Variants in SULF1 observed in about 807,000 individuals in gnomAD.
SULF1 encodes the protein sulfatase 1, also known as extracellular sulfatase Sulf-1.
SULF1 carries 46 observed loss-of-function variants against 110.5 expected under a neutral mutation model. That is an observed-to-expected ratio of 0.42 (90% CI 0.33 to 0.53). The LOEUF is 0.53. Among genes scored for constraint, SULF1 ranks in the 20% least tolerant of loss-of-function variants. SULF1 has a pLI of 0.12. For missense variants in SULF1, 941 were observed against 1,094.2 expected (o/e 0.86, Z 1.98); for synonymous variants, 371 against 387.1 (o/e 0.96, Z 0.49).
chr8:69,585,193 A>C (rs180681069), intron 6 of SULF1, among the ~76,000 whole-genome samples: 182 of 152,296 alleles, frequency 1.2e-3, no homozygotes, highest in Non-Finnish European at 2.1e-3. Context: ...ACACGCACAC[A>C]TGCTTATACC....
chr8:69,630,952 A>G (rs1791565551), intron 19 of SULF1, among the ~76,000 whole-genome samples: 2 of 151,770 alleles, frequency 1.3e-5, no homozygotes, highest in Admixed American at 1.3e-4. Flanking sequence ...ATATCTCCTA[A>G]TGCTATCCCT....
intron 7 of SULF1, among the ~76,000 whole-genome samples, chr8:69,587,351 G>C (rs1170315278): frequency 1.3e-5 from 2 of 152,118 alleles, no homozygotes; most frequent in Non-Finnish European, 2.9e-5. Context: ...TCACTTGGTA[G>C]AAATCGGAAG....
chr8:69,529,242 A>T (rs564715899), intron 3 of SULF1, among the ~76,000 whole-genome samples: 292 of 152,230 alleles, frequency 1.9e-3, no homozygotes, highest in African/African-American at 6.9e-3. Flanking sequence ...GATATATGAA[A>T]GGGAAAAGAG....
intron 22 of SULF1, among the ~76,000 whole-genome samples, chr8:69,646,422 C>T (rs1811913926): frequency 1.2e-5 from 1 of 80,992 alleles, no homozygotes; most frequent in Non-Finnish European, 2.2e-5. Context: ...CTATTATTAT[C>T]CTCATTTTTT....
At chr8:69,556,917 C>G (rs1310147321) in intron 3 of SULF1, among the ~76,000 whole-genome samples, 3 of 152,146 alleles carry the variant, frequency 2.0e-5, no homozygotes, top group Non-Finnish European at 2.9e-5. Context: ...TGTCCCTCCC[C>G]CAACCCTAAA....
intron 3 of SULF1, among the ~76,000 whole-genome samples, chr8:69,554,944 A>G (rs988101367): frequency 1.6e-5 from 2 of 128,282 alleles, no homozygotes; most frequent in Admixed American, 9.8e-5. Flanking sequence ...GCGCCACTGC[A>G]CTCCAGCCTG....
intron 5 of SULF1, among the ~76,000 whole-genome samples, chr8:69,570,360 T>C (rs1182802234): frequency 1.3e-5 from 2 of 152,228 alleles, no homozygotes; most frequent in Non-Finnish European, 2.9e-5. Context: ...TTTGATGAAA[T>C]TTTTAATGTT....
At chr8:69,531,467 A>T (rs1489528438) in intron 3 of SULF1, among the ~76,000 whole-genome samples, 2 of 152,092 alleles carry the variant, frequency 1.3e-5, no homozygotes, top group African/African-American at 4.8e-5. Flanking sequence ...CCTCCACCTC[A>T]ACTCACTAAG....
rs1806683322 is a variant in SULF1, at chr8:69,589,129, C to T, written c.722C>T (p.Ala241Val). The change falls in exon 8 of 23, where the codon GCT (alanine) becomes GTT (valine). Residue 241 changes from alanine to valine, a missense_variant. This residue lies in a region of SULF1 where 822 missense variants were observed against 934.3 expected (regional missense o/e 0.88). Coordinates refer to ENST00000402687, the MANE Select transcript of SULF1 (RefSeq NM_001128205.2). ...APQFSKLYPN[A>V]SQHITPSYNY... ...CAGTTTTCTAAACTGTACCCCAATG[C>T]TTCCCAACACATGTAAGTAACAAAC... The T allele has an allele frequency of 6.2e-7, 1 of 1,613,572 alleles. No homozygotes were observed.
intron 1 of SULF1, among the ~76,000 whole-genome samples, chr8:69,479,635 A>G (rs1211128066): frequency 6.6e-6 from 1 of 152,112 alleles, no homozygotes; most frequent in Non-Finnish European, 1.5e-5. Flanking sequence ...AGAATGTTGG[A>G]GGCGTACCTC....
chr8:69,588,878 C>A, intron 7 of SULF1, 94 bp from the exon 8 acceptor site: 1 of 1,269,840 alleles, frequency 7.9e-7, no homozygotes, highest in Non-Finnish European at 1.1e-6. Context: ...CCACTTCGTG[C>A]AGTGAATTGC....
intron 5 of SULF1, among the ~76,000 whole-genome samples, chr8:69,565,869 G>A (rs1815841174): frequency 6.6e-6 from 1 of 152,118 alleles, no homozygotes; most frequent in Non-Finnish European, 1.5e-5. Context: ...CTCCCCAAAG[G>A]TGTCTGGTGG....
chr8:69,629,478 C>G, intron 18 of SULF1, 26 bp from the exon 19 acceptor site: 1 of 1,589,854 alleles, frequency 6.3e-7, no homozygotes, highest in Non-Finnish European at 8.6e-7. Context: ...TCTGAACACT[C>G]AAAATAATCC....
chr8:69,658,394 A>G, intron 22 of SULF1, 111 bp from the exon 23 acceptor site: 2 of 751,126 alleles, frequency 2.7e-6, no homozygotes, highest in Middle Eastern at 4.1e-4. Context: ...AATGCTTTTG[A>G]GTGTCATACT....
chr8:69,624,594 T>C (rs1486366915), intron 15 of SULF1, among the ~76,000 whole-genome samples: 2 of 152,234 alleles, frequency 1.3e-5, no homozygotes, highest in African/African-American at 4.8e-5. Context: ...TCTTCCATGT[T>C]ACACAATCAC....
At chr8:69,542,859 G>A (rs1333151130) in intron 3 of SULF1, among the ~76,000 whole-genome samples, 2 of 152,086 alleles carry the variant, frequency 1.3e-5, no homozygotes, top group African/African-American at 2.4e-5. Flanking sequence ...AATGTCTCCA[G>A]GTCTATATAT....
At chr8:69,599,218 G>C (rs571305630) in intron 8 of SULF1, among the ~76,000 whole-genome samples, 1 of 152,256 alleles carries the variant, frequency 6.6e-6, no homozygotes, top group African/African-American at 2.4e-5. Context: ...TAATGGCATG[G>C]GGTCACATTC....
intron 2 of SULF1, among the ~76,000 whole-genome samples, chr8:69,498,628 T>A (rs1176395020): frequency 6.6e-6 from 1 of 152,142 alleles, no homozygotes; most frequent in Non-Finnish European, 1.5e-5. Context: ...TGTTATGAGT[T>A]CTAGTGACAG....
chr8:69,621,309 TAGAG>T lies in SULF1; in HGVS notation c.1594+62_1594+65del. 2.3e-6 allele frequency: 3 copies of T among 1,322,260 alleles called. No individual in the cohort carries two copies. The South Asian group carries it at 4.3e-5, about 19-fold the overall frequency. 81.9% of individuals were successfully genotyped at this position (1,322,260 alleles called of 1,614,324 possible). On this transcript the variant is annotated intron_variant, in intron 14 of 22. Coordinates refer to ENST00000402687, the MANE Select transcript of SULF1 (RefSeq NM_001128205.2). ...GGCCTAGGCCTGTGGGAATAAACAA[TAGAG>T]AGACGAAAGGGTTGCTCCTTCTACA...
Sources: allele counts gnomAD v4.1 joint callset (sites outside exome capture counted in the v4.1 genomes callset), GRCh38; gene constraint gnomAD v4.1.1; regional missense constraint gnomAD v4.1.1; transcripts MANE v1.5; gene names NCBI Gene and HGNC (gene_info 2026-07-23, HGNC 2026-07-21).